UTS2: variants seen among roughly 807,000 people sequenced by gnomAD.
The protein encoded by UTS2 is urotensin 2, also known as urotensin-2.
In UTS2, 10 loss-of-function variants were observed where a neutral mutation model predicts 12.6. The ratio of observed to expected loss-of-function variants is 0.80; its 90% CI spans 0.49 to 1.35. The LOEUF (loss-of-function observed/expected upper bound fraction) is 1.35. UTS2 is among the 40% of genes most tolerant of loss of function. UTS2 has a pLI of 0.00. For missense variants in UTS2, 142 were observed against 143.2 expected, an observed-to-expected ratio of 0.99 and a Z score of 0.04; for synonymous variants, 52 against 50.0, an observed-to-expected ratio of 1.04 and a Z score of -0.17.
chr1:7,849,584 AAACCAGTAC>A, intron 3 of UTS2, 47 bp downstream of exon 3: 1 of 1,463,284 alleles, frequency 6.8e-7, no homozygotes, highest in Non-Finnish European at 9.4e-7. Context: ...GAGTCCTGTA[AAACCAGTAC>A]AGAATGTTCA....
At chr1:7,913,131 C>T in the UTS2 span, among the ~76,000 whole-genome samples, 6 of 151,910 alleles carry the variant, frequency 3.9e-5, no homozygotes, top group Middle Eastern at 3.4e-3. Flanking sequence ...GAGGTTGCCT[C>T]GGAACTCCCT....
the UTS2 span, among the ~76,000 whole-genome samples, chr1:7,884,015 T>C: frequency 6.6e-6 from 1 of 152,036 alleles, no homozygotes; most frequent in Admixed American, 6.5e-5. Context: ...GGTTTCTCCA[T>C]GTTGGTCAAG....
chr1:7,883,845 C>CT, the UTS2 span, among the ~76,000 whole-genome samples: 20,872 of 146,402 alleles, frequency 0.14, 2,252 homozygotes, highest in East Asian at 0.5. Flanking sequence ...ATAAAATATT[C>CT]TTTTTTTTTT....
the UTS2 span, among the ~76,000 whole-genome samples, chr1:7,875,242 T>TTTTGTA: frequency 2.0e-5 from 3 of 151,950 alleles, no homozygotes; most frequent in Admixed American, 6.6e-5. Flanking sequence ...GCCAAGCTAA[T>TTTTGTA]TTTTTGTATT....
chr1:7,892,739 G>A, the UTS2 span, among the ~76,000 whole-genome samples: 43,383 of 151,320 alleles, frequency 0.29, 6,846 homozygotes, highest in Non-Finnish European at 0.34. Flanking sequence ...CAGCGGCCTC[G>A]GTCTCCCAAA....
At chr1:7,848,976 C>T (rs1313907882) in intron 3 of UTS2, among the ~76,000 whole-genome samples, 1 of 152,192 alleles carries the variant, frequency 6.6e-6, no homozygotes, top group African/African-American at 2.4e-5. Context: ...TAAGATCCTG[C>T]ATCCCTCACT....
chr1:7,911,759 G>T, the UTS2 span, among the ~76,000 whole-genome samples: 1 of 151,574 alleles, frequency 6.6e-6, no homozygotes, highest in Non-Finnish European at 1.5e-5. Context: ...AAAATTAGCG[G>T]GAGTGGTGGC....
chr1:7,864,007 C>T, the UTS2 span, among the ~76,000 whole-genome samples: 2 of 152,238 alleles, frequency 1.3e-5, no homozygotes, highest in Non-Finnish European at 2.9e-5. Flanking sequence ...CTCAGGGCAG[C>T]AGGAGGGCAA....
chr1:7,901,744 G>A, the UTS2 span, among the ~76,000 whole-genome samples: 1 of 152,074 alleles, frequency 6.6e-6, no homozygotes, highest in African/African-American at 2.4e-5. Context: ...TGGACTTCGT[G>A]GAGGAGATGG....
upstream of UTS2, among the ~76,000 whole-genome samples, chr1:7,855,854 A>C (rs1246261576): frequency 1.4e-5 from 2 of 147,510 alleles, no homozygotes; most frequent in African/African-American, 5.0e-5. Context: ...ACATGCCACC[A>C]CGCTCAGCTA....
At chr1:7,883,403 G>A in the UTS2 span, among the ~76,000 whole-genome samples, 2 of 152,102 alleles carry the variant, frequency 1.3e-5, no homozygotes, top group African/African-American at 2.4e-5. Context: ...GGTGAAGAGA[G>A]GTTGGTTAAT....
the UTS2 span, among the ~76,000 whole-genome samples, chr1:7,886,998 G>A: frequency 1.9e-4 from 23 of 118,376 alleles, no homozygotes; most frequent in African/African-American, 6.3e-4. Context: ...CCAAGATCAC[G>A]TCACTGCACT....
chr1:7,907,312 A>T, the UTS2 span, among the ~76,000 whole-genome samples: 2 of 151,636 alleles, frequency 1.3e-5, no homozygotes, highest in African/African-American at 4.8e-5. Context: ...AAAAAGTGAA[A>T]GAGTGTGAGT....
the UTS2 span, among the ~76,000 whole-genome samples, chr1:7,911,232 G>A: frequency 6.6e-6 from 1 of 152,114 alleles, no homozygotes; most frequent in Non-Finnish European, 1.5e-5. Flanking sequence ...CAGCACAATT[G>A]CAGGATGTGT....
the UTS2 span, among the ~76,000 whole-genome samples, chr1:7,889,031 G>C: frequency 6.6e-6 from 1 of 151,694 alleles, no homozygotes; most frequent in African/African-American, 2.4e-5. Flanking sequence ...TGCTCATAAA[G>C]GGAAACGCTC....
the UTS2 span, among the ~76,000 whole-genome samples, chr1:7,869,475 A>T: frequency 6.6e-6 from 1 of 152,230 alleles, no homozygotes; most frequent in Non-Finnish European, 1.5e-5. Context: ...GTGCTATTCC[A>T]CAGGCCGAGG....
the UTS2 span, among the ~76,000 whole-genome samples, chr1:7,901,205 A>G: frequency 6.6e-6 from 1 of 152,174 alleles, no homozygotes; most frequent in Non-Finnish European, 1.5e-5. Flanking sequence ...TAAGTAATGG[A>G]GCTTGGATGT....
chr1:7,900,505 G>T, the UTS2 span, among the ~76,000 whole-genome samples: 65,849 of 152,032 alleles, frequency 0.43, 16,483 homozygotes, highest in Non-Finnish European at 0.56. Flanking sequence ...GGCCAGGTGT[G>T]GTGGCTCACG....
the UTS2 span, among the ~76,000 whole-genome samples, chr1:7,884,002 CG>C: frequency 6.6e-6 from 1 of 151,688 alleles, no homozygotes; most frequent in African/African-American, 2.4e-5. Flanking sequence ...TTAGTAGAGA[CG>C]GGGTTTCTCC....
Sources: gnomAD v4.1 joint callset for allele counts (sites outside exome capture counted in the v4.1 genomes callset) on GRCh38, gnomAD v4.1.1 for gene constraint, MANE v1.5 for transcripts, NCBI Gene and HGNC (gene_info 2026-07-23, HGNC 2026-07-21) for gene names.